The following TRIM37 variants were observed in gnomAD, a reference collection of about 807,000 sequenced individuals.
TRIM37 encodes tripartite motif containing 37.
A neutral mutation model predicts 129.8 loss-of-function variants in TRIM37; 80 were observed. That is an observed-to-expected ratio of 0.62 (90% CI 0.51 to 0.74). TRIM37 has a LOEUF of 0.74. TRIM37 is among the 30% of genes least tolerant of loss of function. TRIM37 has a pLI of 0.00. For synonymous variants in TRIM37, 389 were observed against 387.1 expected (o/e 1.00, Z -0.06); for missense variants, 1,054 against 1,176.5 (o/e 0.90, Z 1.52).
At chr17:59,069,192 C>T (rs1050026899) in intron 9 of TRIM37, among the ~76,000 whole-genome samples, 4 of 151,788 alleles carry the variant, frequency 2.6e-5, no homozygotes, top group African/African-American at 9.7e-5. Context: ...ACTAAAAATA[C>T]AAAACTTAGC....
chr17:58,972,805 GCTT>G, the TRIM37 span: 11 of 1,563,110 alleles, frequency 7.0e-6, no homozygotes, highest in Admixed American at 1.0e-4. Context: ...CCAGTTATTT[GCTT>G]CTTTTTATTG....
At chr17:59,105,346 G>A (rs1012022797) in intron 1 of TRIM37, among the ~76,000 whole-genome samples, 1 of 152,108 alleles carries the variant, frequency 6.6e-6, no homozygotes. Flanking sequence ...CTGAGATTCT[G>A]CCCCAATTGA....
At chr17:59,060,749 AATG>A (rs2041408956) in intron 12 of TRIM37, among the ~76,000 whole-genome samples, 1 of 152,194 alleles carries the variant, frequency 6.6e-6, no homozygotes, top group African/African-American at 2.4e-5. Flanking sequence ...TTTCAATCAA[AATG>A]ATATTTTAAA....
chr17:59,019,392 A>G (rs2036313594), intron 19 of TRIM37, among the ~76,000 whole-genome samples: 1 of 152,198 alleles, frequency 6.6e-6, no homozygotes, highest in Non-Finnish European at 1.5e-5. Context: ...CAGACATAGA[A>G]GACCTCATAT....
intron 22 of TRIM37, among the ~76,000 whole-genome samples, chr17:59,004,092 G>A (rs931499396): frequency 3.3e-5 from 5 of 151,994 alleles, no homozygotes; most frequent in African/African-American, 1.2e-4. Flanking sequence ...CTAGGTAACA[G>A]AACACAAGAC....
chr17:59,052,002 G>A (rs1335954083), intron 13 of TRIM37, among the ~76,000 whole-genome samples: 2 of 151,742 alleles, frequency 1.3e-5, no homozygotes, highest in Admixed American at 1.3e-4. Flanking sequence ...TCACTTCCTG[G>A]CTCAACCACC....
chr17:59,042,331 C>A (rs1165584673), intron 16 of TRIM37, among the ~76,000 whole-genome samples: 2 of 138,212 alleles, frequency 1.4e-5, no homozygotes, highest in Non-Finnish European at 1.5e-5. Flanking sequence ...GCCAAGATTG[C>A]ACAACTGCAC....
the TRIM37 span, among the ~76,000 whole-genome samples, chr17:58,975,996 A>C: frequency 2.6e-3 from 389 of 152,332 alleles, 1 homozygote; most frequent in African/African-American, 9.0e-3. Context: ...GAGCAAGTGT[A>C]GATTTAGTTT....
intron 24 of TRIM37, among the ~76,000 whole-genome samples, chr17:58,987,600 T>C (rs1180645322): frequency 2.0e-5 from 3 of 152,222 alleles, no homozygotes; most frequent in Admixed American, 1.3e-4. Flanking sequence ...CTAAAACTTC[T>C]ATAAATCTAG....
chr17:59,044,493 C>T (rs968652341), intron 16 of TRIM37, among the ~76,000 whole-genome samples: 7 of 151,454 alleles, frequency 4.6e-5, no homozygotes, highest in East Asian at 3.9e-4. Flanking sequence ...ACCCAGGAGA[C>T]GGAGGCTGCA....
chr17:59,055,088 G>A (rs997282561), intron 13 of TRIM37, among the ~76,000 whole-genome samples: 9 of 152,016 alleles, frequency 5.9e-5, no homozygotes, highest in African/African-American at 1.9e-4. Flanking sequence ...TATAATCCCA[G>A]CACTATGGGA....
chr17:59,058,483 A>T (rs2041178190), intron 12 of TRIM37, among the ~76,000 whole-genome samples: 1 of 152,188 alleles, frequency 6.6e-6, no homozygotes, highest in Non-Finnish European at 1.5e-5. Context: ...AACCCCCATG[A>T]CATGAGTTTA....
At position 59,016,999 on chromosome 17, in the gene TRIM37, T is replaced by C. The variant is rs117879124; in HGVS notation, c.2386+297A>G. On this transcript the variant is annotated intron_variant, in intron 20 of 23. Transcript: ENST00000262294. ...AAGACCAGCCTGGGCAACCTGTCTC[T>C]ACAAAAAATACAAAAATTAGCTAGG... is the stretch of plus-strand genomic sequence containing the variant. Among the ~76,000 whole-genome samples, 2,856 of 151,778 alleles carry C rather than the reference T, an allele frequency of 0.019. 34 individuals carry two copies. Among genetic ancestry groups the C allele is most frequent in the Middle Eastern group, 0.068 (20 of 292 alleles).
intron 16 of TRIM37, among the ~76,000 whole-genome samples, chr17:59,042,159 G>A (rs911128436): frequency 6.7e-6 from 1 of 149,104 alleles, no homozygotes. Context: ...GGCGGATCAC[G>A]AGGTCAGGAG....
chr17:59,010,504 T>C (rs920395230), intron 22 of TRIM37, among the ~76,000 whole-genome samples: 1 of 152,186 alleles, frequency 6.6e-6, no homozygotes, highest in African/African-American at 2.4e-5. Flanking sequence ...TTGTTATTAC[T>C]GTCATTTGAG....
chr17:58,986,529 T>G (rs548717180), intron 24 of TRIM37, among the ~76,000 whole-genome samples: 97 of 151,224 alleles, frequency 6.4e-4, no homozygotes, highest in Non-Finnish European at 1.3e-3. Context: ...TTTTCTTTTT[T>G]GAGACAAGAG....
intron 18 of TRIM37, 54 bp downstream of exon 18, chr17:59,031,842 A>G (rs1235312338): frequency 6.4e-7 from 1 of 1,559,968 alleles, no homozygotes; most frequent in South Asian, 1.1e-5. Context: ...AAAATCCAAG[A>G]GTTCTTTTAG....
chr17:59,100,067 T>G (rs1357589262), intron 2 of TRIM37, among the ~76,000 whole-genome samples: 4 of 151,822 alleles, frequency 2.6e-5, no homozygotes, highest in African/African-American at 9.7e-5. Flanking sequence ...CTCCCAATCC[T>G]TTTTTTAATT....
At chr17:59,078,182 T>C (rs777496590) in intron 7 of TRIM37, among the ~76,000 whole-genome samples, 7 of 152,056 alleles carry the variant, frequency 4.6e-5, no homozygotes, top group Non-Finnish European at 8.8e-5. Context: ...GAATTAAAAA[T>C]CTGAGGCTTA....
Sources: allele counts gnomAD v4.1 joint callset (sites outside exome capture counted in the v4.1 genomes callset), GRCh38; gene constraint gnomAD v4.1.1; transcripts MANE v1.5; gene names NCBI Gene and HGNC (gene_info 2026-07-23, HGNC 2026-07-21).